The following PTPRD variants were observed in gnomAD, a reference collection of about 807,000 sequenced individuals.
PTPRD encodes receptor-type tyrosine-protein phosphatase delta.
PTPRD carries 34 observed loss-of-function variants against 214.5 expected under a neutral mutation model. The ratio of observed to expected loss-of-function variants is 0.16; its 90% CI spans 0.12 to 0.21. The LOEUF is 0.21. PTPRD is among the 10% of genes least tolerant of loss of function. The pLI is 1.00. For synonymous variants in PTPRD, 1,128 were observed against 845.7 expected (o/e 1.33, Z -5.79); for missense variants, 2,545 against 2,398.7 (o/e 1.06, Z -1.27).
At chr9:9,010,296 T>C (rs1278438796) in intron 11 of PTPRD, among the ~76,000 whole-genome samples, 1 of 152,198 alleles carries the variant, frequency 6.6e-6, no homozygotes, top group East Asian at 1.9e-4. Context: ...AAAGTTAGAA[T>C]TTTAATACAA....
chr9:10,313,213 T>A (rs2096318548), intron 3 of PTPRD, among the ~76,000 whole-genome samples: 1 of 151,818 alleles, frequency 6.6e-6, no homozygotes, highest in Non-Finnish European at 1.5e-5. Context: ...CAGGAAACCA[T>A]CCCGATAATT....
chr9:10,355,713 G>C (rs1485975811), intron 2 of PTPRD, among the ~76,000 whole-genome samples: 1 of 152,000 alleles, frequency 6.6e-6, no homozygotes, highest in Non-Finnish European at 1.5e-5. Context: ...CCCGACCTCA[G>C]GTGATCCGCC....
intron 8 of PTPRD, among the ~76,000 whole-genome samples, chr9:9,573,541 G>C (rs534404653): frequency 1.3e-5 from 2 of 151,492 alleles, no homozygotes; most frequent in East Asian, 3.9e-4. Flanking sequence ...TAAAACACTG[G>C]AGATAATAGT....
chr9:9,136,403 T>C (rs2099850952), intron 10 of PTPRD, among the ~76,000 whole-genome samples: 1 of 152,152 alleles, frequency 6.6e-6, no homozygotes, highest in Non-Finnish European at 1.5e-5. Context: ...TAGATTCTCA[T>C]TAAACAAAAT....
At chr9:8,598,236 G>A (rs1028504066) in intron 14 of PTPRD, among the ~76,000 whole-genome samples, 1 of 152,118 alleles carries the variant, frequency 6.6e-6, no homozygotes, top group Non-Finnish European at 1.5e-5. Context: ...CAGATCACCT[G>A]AGGTCAGGAG....
chr9:10,587,975 C>T (rs2074360573), intron 2 of PTPRD, among the ~76,000 whole-genome samples: 1 of 152,016 alleles, frequency 6.6e-6, no homozygotes, highest in African/African-American at 2.4e-5. Context: ...AAATACAGCT[C>T]ATATATCAGG....
intron 11 of PTPRD, among the ~76,000 whole-genome samples, chr9:8,802,894 A>G (rs1407259057): frequency 6.6e-6 from 1 of 152,064 alleles, no homozygotes; most frequent in African/African-American, 2.4e-5. Flanking sequence ...TCTACAAAAA[A>G]TTTAAAAATT....
At chr9:8,489,225 G>C (rs2136129684) in intron 27 of PTPRD, among the ~76,000 whole-genome samples, 1 of 152,274 alleles carries the variant, frequency 6.6e-6, no homozygotes, top group South Asian at 2.1e-4. Flanking sequence ...TCTTCTGTGG[G>C]AGTTAAAGCT....
chr9:9,355,770 T>C (rs958970269), intron 9 of PTPRD, among the ~76,000 whole-genome samples: 1 of 151,402 alleles, frequency 6.6e-6, no homozygotes, highest in African/African-American at 2.4e-5. Context: ...AGGTATAAAA[T>C]AGAAGGGTAC....
intron 9 of PTPRD, among the ~76,000 whole-genome samples, chr9:9,245,709 T>A (rs1313569446): frequency 6.6e-6 from 1 of 152,128 alleles, no homozygotes; most frequent in Non-Finnish European, 1.5e-5. Flanking sequence ...ACATGGCACA[T>A]GTATACATAT....
intron 2 of PTPRD, among the ~76,000 whole-genome samples, chr9:10,366,858 A>G (rs894060000): frequency 2.0e-5 from 3 of 152,142 alleles, no homozygotes; most frequent in Non-Finnish European, 4.4e-5. Context: ...TTTACTTGAA[A>G]TCACTCTTTG....
chr9:8,934,456 T>TAC (rs1567098560), intron 11 of PTPRD, among the ~76,000 whole-genome samples: 1 of 31,948 alleles, frequency 3.1e-5, no homozygotes, highest in African/African-American at 2.1e-4. Flanking sequence ...TAAATTTATA[T>TAC]ATATATAAAT....
intron 3 of PTPRD, among the ~76,000 whole-genome samples, chr9:10,112,062 G>T (rs1419336689): frequency 2.6e-5 from 4 of 152,192 alleles, no homozygotes; most frequent in African/African-American, 9.7e-5. Context: ...AACAATGTGG[G>T]TAGGCCAATG....
chr9:9,806,358 G>A (rs988617341), intron 5 of PTPRD, among the ~76,000 whole-genome samples: 2 of 152,064 alleles, frequency 1.3e-5, no homozygotes, highest in Admixed American at 6.6e-5. Context: ...CCGCACCATC[G>A]TCAAGCCATT....
Position 8,726,586 on chromosome 9 carries a change from AAAATATATATATATATATAT to A in PTPRD, c.64+7174_64+7193del. ...GTCTCTACTAAAAAAAAAAAAAAAA[AAAATATATATATATATATAT>A]ATATATATATATATATATATATATA... On this transcript the variant is annotated intron_variant, in intron 12 of 45. Coordinates refer to ENST00000381196, the MANE Select transcript of PTPRD (RefSeq NM_002839.4). Among the ~76,000 whole-genome samples, 2 of 18,656 alleles carry A rather than the reference AAAATATATATATATATATAT, an allele frequency of 1.1e-4. 1 individual carries two copies. Among genetic ancestry groups the A allele is most frequent in the East Asian group, 2.4e-3 (2 of 834 alleles). The allele number at this position is 18,656 out of a possible 152,430, so 12.2% of individuals were successfully genotyped here. A position where few individuals can be genotyped will look rare whatever the true frequency, so the allele number is the denominator to read the frequency against.
rs556365083 is a variant in PTPRD, at chr9:9,589,873, C to T, written c.-286-15092G>A. 6.6e-5 allele frequency among the ~76,000 whole-genome samples: 10 copies of T among 151,984 alleles called. No homozygotes were observed. The South Asian group carries it at 1.5e-3, about 22-fold the overall frequency. ...TTTATGAGCAAGGGAAATAAGCACA[C>T]GTACACGGGGCTTGTGGGAGAAGAT... On this transcript the variant is annotated intron_variant, in intron 7 of 45. Coordinates refer to ENST00000381196, the MANE Select transcript of PTPRD (RefSeq NM_002839.4).
At chr9:9,897,939 A>G (rs971548832) in intron 5 of PTPRD, among the ~76,000 whole-genome samples, 3 of 152,066 alleles carry the variant, frequency 2.0e-5, no homozygotes, top group Non-Finnish European at 4.4e-5. Context: ...GCAGTGTAAA[A>G]AGGCCACAGA....
chr9:9,897,582 T>C (rs929845116), intron 5 of PTPRD, among the ~76,000 whole-genome samples: 1 of 152,090 alleles, frequency 6.6e-6, no homozygotes, highest in African/African-American at 2.4e-5. Context: ...AGTATCCTTG[T>C]ACTTTATTGT....
intron 11 of PTPRD, among the ~76,000 whole-genome samples, chr9:8,764,039 A>G (rs997373908): frequency 2.6e-5 from 4 of 152,246 alleles, no homozygotes; most frequent in Admixed American, 6.5e-5. Context: ...TGCAAATATT[A>G]TAAGTGAAGG....
Sources: gnomAD v4.1 joint callset for allele counts (sites outside exome capture counted in the v4.1 genomes callset) on GRCh38, gnomAD v4.1.1 for gene constraint, MANE v1.5 for transcripts, NCBI Gene and HGNC (gene_info 2026-07-23, HGNC 2026-07-21) for gene names.